PRKRIP1: variants seen among roughly 807,000 people sequenced by gnomAD.
PRKRIP1 encodes PRKR-interacting protein 1.
PRKRIP1 carries 29 observed loss-of-function variants against 29.3 expected under a neutral mutation model. The observed-to-expected ratio is 0.99, with a 90% CI of 0.74 to 1.35. The LOEUF (loss-of-function observed/expected upper bound fraction) is 1.35, where lower values mean the gene tolerates loss of function less well. Among genes scored for constraint, PRKRIP1 ranks in the 40% most tolerant of loss-of-function variants. The probability of loss-of-function intolerance (pLI) is 0.00; values close to 1 mark genes in which losing one functional copy is unlikely to be tolerated. For missense variants in PRKRIP1, 247 were observed against 236.8 expected, an observed-to-expected ratio of 1.04 and a Z score of -0.28; for synonymous variants, 90 against 85.1, an observed-to-expected ratio of 1.06 and a Z score of -0.32.
chr7:102,396,434 C>T lies in PRKRIP1; in HGVS notation c.23C>T (p.Ser8Leu), dbSNP rs782297524. 9 of 1,590,874 alleles carry T rather than the reference C, an allele frequency of 5.7e-6. No individual in the cohort carries two copies. The highest frequency in any genetic ancestry group is 1.9e-5 in the Admixed American group (1 of 52,980). The change falls in exon 1 of 6, where the codon TCG becomes TTG. Residue 8 changes from serine (S) to leucine (L), a missense_variant. By Grantham distance (145) the Ser-to-Leu change is moderately radical (BLOSUM62 -2). Coordinates refer to ENST00000397912, the MANE Select transcript of PRKRIP1 (RefSeq NM_024653.4). ...GCCATGGCTAGCCCAGCCGCCTCCT[C>T]GGTGCGACCACCGAGGCCCAAGAAA... is the stretch of plus-strand genomic sequence containing the variant. MASPAAS[S>L]VRPPRPKKEP...
chr7:102,406,418 C>G (rs1796224249), intron 4 of PRKRIP1, among the ~76,000 whole-genome samples: 1 of 152,040 alleles, frequency 6.6e-6, no homozygotes, highest in Admixed American at 6.6e-5. Flanking sequence ...ATTGTTGTTG[C>G]GTAGAGTAAG....
chr7:102,410,769 C>CAAG (rs1796360393), intron 5 of PRKRIP1, among the ~76,000 whole-genome samples: 1 of 151,820 alleles, frequency 6.6e-6, no homozygotes, highest in Non-Finnish European at 1.5e-5. Context: ...CTTACTCTTC[C>CAAG]ATTCATCCCT....
chr7:102,403,024 G>T (rs1796114717), intron 3 of PRKRIP1, among the ~76,000 whole-genome samples: 1 of 152,062 alleles, frequency 6.6e-6, no homozygotes, highest in Non-Finnish European at 1.5e-5. Context: ...ACAGGTGCCT[G>T]CCACCTGGCC....
At chr7:102,400,873 T>C (rs577481208) in intron 3 of PRKRIP1, among the ~76,000 whole-genome samples, 4 of 152,088 alleles carry the variant, frequency 2.6e-5, no homozygotes, top group Non-Finnish European at 5.9e-5. Flanking sequence ...TGACCTCAAG[T>C]GATCCACCTG....
At chr7:102,409,828 A>AAT (rs1554572316) in intron 5 of PRKRIP1, among the ~76,000 whole-genome samples, 2 of 151,802 alleles carry the variant, frequency 1.3e-5, no homozygotes, top group African/African-American at 4.8e-5. Flanking sequence ...TGTCTCAAAA[A>AAT]AATAATAATA....
At chr7:102,399,403 G>T in intron 2 of PRKRIP1, 145 bp from the exon 3 acceptor site, 1 of 654,854 alleles carries the variant, frequency 1.5e-6, no homozygotes, top group East Asian at 2.6e-5. Flanking sequence ...CCAGGTACTG[G>T]GCCAGTTCTG....
At chr7:102,406,837 T>G (rs1351420490) in intron 4 of PRKRIP1, among the ~76,000 whole-genome samples, 1 of 149,070 alleles carries the variant, frequency 6.7e-6, no homozygotes, top group Non-Finnish European at 1.5e-5. Flanking sequence ...ATCGTTTTCA[T>G]AGTCTAAACA....
chr7:102,397,340 A>AG (rs1467878235), intron 1 of PRKRIP1, among the ~76,000 whole-genome samples: 14 of 152,172 alleles, frequency 9.2e-5, no homozygotes, highest in African/African-American at 3.4e-4. Flanking sequence ...GCCAGGAAGG[A>AG]GTTCAAGACC....
intron 5 of PRKRIP1, among the ~76,000 whole-genome samples, chr7:102,416,680 GGT>G (rs200321540): frequency 5.9e-4 from 25 of 42,418 alleles, no homozygotes; most frequent in Non-Finnish European, 8.7e-4. Context: ...GGTTTTGTGG[GGT>G]GTTTTTTTTT....
At position 102,425,249 on chromosome 7, in the gene PRKRIP1, C is replaced by T. The variant is rs1554574317; in HGVS notation, c.*138C>T. 2 of 1,505,342 alleles carry T rather than the reference C, an allele frequency of 1.3e-6. No individual in the cohort carries two copies. The highest frequency in any genetic ancestry group is 2.2e-5 in the Admixed American group (1 of 45,868). 93.2% of individuals were successfully genotyped at this position (1,505,342 alleles called of 1,614,324 possible). On this transcript the variant is annotated 3_prime_UTR_variant, in exon 6 of 6. Coordinates refer to ENST00000397912, the MANE Select transcript of PRKRIP1 (RefSeq NM_024653.4). ...AGCAAAGGAGACCCCTCCCGAGCCG[C>T]TCACAGTCCTGTATTTGGCAGGTTT...
At chr7:102,420,833 C>T (rs781559383) in intron 5 of PRKRIP1, among the ~76,000 whole-genome samples, 4 of 152,200 alleles carry the variant, frequency 2.6e-5, no homozygotes, top group Non-Finnish European at 5.9e-5. Flanking sequence ...ACAGTCGAAA[C>T]GCAGATACAC....
At chr7:102,409,831 T>A (rs180882073) in intron 5 of PRKRIP1, among the ~76,000 whole-genome samples, 260 of 151,790 alleles carry the variant, frequency 1.7e-3, no homozygotes, top group Admixed American at 2.4e-3. Flanking sequence ...CTCAAAAAAA[T>A]AATAATAATA....
chr7:102,413,354 A>G (rs1796444054), intron 5 of PRKRIP1, among the ~76,000 whole-genome samples: 1 of 152,246 alleles, frequency 6.6e-6, no homozygotes, highest in Non-Finnish European at 1.5e-5. Flanking sequence ...TCAGAGCCAA[A>G]ATCCTTCAAC....
In PRKRIP1 at chr7:102,396,554, G is replaced by T. The variant is rs1795903562; in HGVS notation, c.126+17G>T. 3 of 1,602,646 alleles carry T rather than the reference G, an allele frequency of 1.9e-6. No individual in the cohort carries two copies. The highest frequency in any genetic ancestry group is 2.6e-6 in the Non-Finnish European group (3 of 1,176,048). Reference sequence around the variant, plus strand: ...AAGAACCCGGTGAGACGAGGCCCAGGCTCCACGGCCCGTCCGAGGCCCACC... The same window carrying T: ...AAGAACCCGGTGAGACGAGGCCCAGTCTCCACGGCCCGTCCGAGGCCCACC... On this transcript the variant is annotated intron_variant, in intron 1 of 5. Coordinates refer to ENST00000397912, the MANE Select transcript of PRKRIP1 (RefSeq NM_024653.4).
At chr7:102,404,500 G>A (rs1796159844) in intron 3 of PRKRIP1, 98 bp from the exon 4 acceptor site, 16 of 906,206 alleles carry the variant, frequency 1.8e-5, no homozygotes, top group South Asian at 9.5e-5. Context: ...GTCACCCCCA[G>A]TGGTGTGACT....
intron 4 of PRKRIP1, 150 bp downstream of exon 4, chr7:102,404,833 GTTCC>G (rs1796169726): frequency 7.1e-6 from 4 of 565,844 alleles, no homozygotes; most frequent in Non-Finnish European, 1.3e-5. Context: ...CAGAGAGCAA[GTTCC>G]TTATGACCCT....
chr7:102,417,791 A>G (rs1402709573), intron 5 of PRKRIP1, among the ~76,000 whole-genome samples: 2 of 151,312 alleles, frequency 1.3e-5, no homozygotes, highest in African/African-American at 4.9e-5. Context: ...CTCAGTTTTA[A>G]AATTTTTTTG....
chr7:102,421,824 C>T (rs538446744), intron 5 of PRKRIP1, among the ~76,000 whole-genome samples: 1 of 151,970 alleles, frequency 6.6e-6, no homozygotes, highest in Admixed American at 6.6e-5. Flanking sequence ...TCCAGTAACC[C>T]TTTAATCCAA....
intron 3 of PRKRIP1, among the ~76,000 whole-genome samples, chr7:102,403,246 T>C (rs188136210): frequency 6.6e-5 from 10 of 152,278 alleles, no homozygotes; most frequent in Admixed American, 5.9e-4. Context: ...GTCCAGAAAG[T>C]TGATTAATTA....
Sources: gnomAD v4.1 joint callset for allele counts (sites outside exome capture counted in the v4.1 genomes callset) on GRCh38, gnomAD v4.1.1 for gene constraint, MANE v1.5 for transcripts, NCBI Gene and HGNC (gene_info 2026-07-23, HGNC 2026-07-21) for gene names.